Variants in TAOK3 observed in about 807,000 individuals in gnomAD.
TAOK3 encodes TAO kinase 3.
In TAOK3, 40 loss-of-function variants were observed where a neutral mutation model predicts 120.4. The ratio of observed to expected loss-of-function variants is 0.33; its 90% confidence interval spans 0.26 to 0.43. The LOEUF (loss-of-function observed/expected upper bound fraction) is 0.43. Ranked by LOEUF, TAOK3 falls within the 20% of genes least tolerant of loss-of-function variation. The probability of loss-of-function intolerance (pLI) is 1.00; values close to 1 mark genes in which losing one functional copy is unlikely to be tolerated. For missense variants in TAOK3, 821 were observed against 1,112.1 expected, an observed-to-expected ratio of 0.74 and a Z score of 3.72; for synonymous variants, 355 against 387.5, an observed-to-expected ratio of 0.92 and a Z score of 0.99.
Position 118,212,950 on chromosome 12 carries a change from T to C in TAOK3, c.783A>G (p.Ile261Met). 1 of 1,613,108 alleles carries C rather than the reference T, an allele frequency of 6.2e-7. No individual in the cohort carries two copies. Among genetic ancestry groups the C allele is most frequent in the Non-Finnish European group, 8.5e-7 (1 of 1,179,744 alleles). Residue 261 changes from isoleucine to methionine, a missense_variant, in exon 11 of 21, where the codon ATA (isoleucine) becomes ATG (methionine). Transcript: ENST00000392533. ...RRFVDYCLQK[I>M]PQERPTSAEL... ...CTGCTGATGTTGGCCTTTCCTGAGG[T>C]ATTTTCTGCAAGCAGTAATCAACAA...
intron 9 of TAOK3, among the ~76,000 whole-genome samples, chr12:118,230,516 G>C (rs1478401950): frequency 6.4e-5 from 8 of 124,288 alleles, no homozygotes; most frequent in Non-Finnish European, 1.3e-4. Context: ...CTGTCACCCA[G>C]GCTGGAGTGC....
chr12:118,251,447 T>C (rs975185079), intron 3 of TAOK3, among the ~76,000 whole-genome samples: 18 of 152,222 alleles, frequency 1.2e-4, no homozygotes, highest in African/African-American at 4.1e-4. Flanking sequence ...CATAGGCCTG[T>C]ACTTTTCACA....
At chr12:118,247,605 C>T (rs1364196499) in intron 3 of TAOK3, among the ~76,000 whole-genome samples, 7 of 152,100 alleles carry the variant, frequency 4.6e-5, no homozygotes, top group Non-Finnish European at 1.0e-4. Flanking sequence ...ACCTCTGCCT[C>T]CCAGGCTCAA....
At chr12:118,233,464 T>C (rs2039878021) in intron 9 of TAOK3, among the ~76,000 whole-genome samples, 1 of 151,464 alleles carries the variant, frequency 6.6e-6, no homozygotes, top group African/African-American at 2.4e-5. Flanking sequence ...AATAAGAACA[T>C]GAAAATGTAG....
intron 1 of TAOK3, among the ~76,000 whole-genome samples, chr12:118,326,164 A>G (rs547522464): frequency 4.0e-4 from 61 of 152,154 alleles, no homozygotes; most frequent in African/African-American, 1.4e-3. Flanking sequence ...TAAATCTTTA[A>G]TCCATCTTGA....
intron 4 of TAOK3, among the ~76,000 whole-genome samples, chr12:118,243,895 T>G (rs708863): frequency 0.47 from 72,050 of 151,942 alleles, 17,858 homozygotes; most frequent in Non-Finnish European, 0.54. Context: ...GCCAGGCTGG[T>G]CTCGAACTCC....
At chr12:118,369,527 T>C (rs1255853848) in intron 1 of TAOK3, among the ~76,000 whole-genome samples, 1 of 152,236 alleles carries the variant, frequency 6.6e-6, no homozygotes, top group Non-Finnish European at 1.5e-5. Context: ...AACAACCATT[T>C]GTACCAGTCA....
In TAOK3 at chr12:118,354,896, G is replaced by A. The variant is rs572189409; in HGVS notation, c.-194+17752C>T. On this transcript the variant is annotated intron_variant, in intron 1 of 20. Coordinates refer to ENST00000392533, the MANE Select transcript of TAOK3 (RefSeq NM_016281.4). ...AGCCTCAGATGTCTTTATTAGCAGC[G>A]TGAAAACAGACTAATACATCCTGTC... Among the ~76,000 whole-genome samples, 13 of 151,844 alleles carry A rather than the reference G, an allele frequency of 8.6e-5. No individual in the cohort carries two copies. The East Asian group carries it at 9.7e-4, about 11-fold the overall frequency.
At chr12:118,166,827 TACACACACACACACACACATACACAC>T (rs1489577262) in intron 17 of TAOK3, among the ~76,000 whole-genome samples, 14 of 146,622 alleles carry the variant, frequency 9.5e-5, no homozygotes, top group African/African-American at 2.5e-4. Flanking sequence ...TATATATATA[TACACACACACACACACACATACACAC>T]ACACACACAC....
At chr12:118,205,420 C>T (rs1408329494) in intron 11 of TAOK3, among the ~76,000 whole-genome samples, 1 of 151,388 alleles carries the variant, frequency 6.6e-6, no homozygotes, top group Non-Finnish European at 1.5e-5. Context: ...AAATTTGGGC[C>T]CTGAGAAGTT....
intron 1 of TAOK3, among the ~76,000 whole-genome samples, chr12:118,334,137 C>CAAAAAAAAAAAAAAA (rs57605394): frequency 1.2e-4 from 9 of 77,600 alleles, no homozygotes; most frequent in Non-Finnish European, 2.4e-4. Flanking sequence ...CTCCCATCTC[C>CAAAAAAAAAAAAAAA]AAAAAAAAAA....
At chr12:118,183,191 T>C (rs1168998459) in intron 14 of TAOK3, among the ~76,000 whole-genome samples, 2 of 152,204 alleles carry the variant, frequency 1.3e-5, no homozygotes, top group Non-Finnish European at 2.9e-5. Flanking sequence ...TTTTCTGTAC[T>C]ATTTTCAGTT....
intron 17 of TAOK3, 70 bp from the exon 18 acceptor site, chr12:118,162,097 G>A: frequency 6.3e-7 from 1 of 1,575,142 alleles, no homozygotes; most frequent in Non-Finnish European, 8.7e-7. Context: ...GCACAACTAA[G>A]TGAGGGAGGG....
intron 1 of TAOK3, among the ~76,000 whole-genome samples, chr12:118,345,623 A>T (rs1265576333): frequency 6.6e-6 from 1 of 152,014 alleles, no homozygotes; most frequent in East Asian, 1.9e-4. Context: ...AAAAAAACAG[A>T]CAGTTTTCAA....
chr12:118,223,062 C>CTTTTTTTTTTTT (rs75334511), intron 9 of TAOK3, among the ~76,000 whole-genome samples: 13 of 120,094 alleles, frequency 1.1e-4, no homozygotes, highest in African/African-American at 1.4e-4. Flanking sequence ...TTCTTTCTTT[C>CTTTTTTTTTTTT]TTTTTTTTTT....
intron 6 of TAOK3, 61 bp from the exon 7 acceptor site, chr12:118,238,230 T>A: frequency 1.9e-6 from 2 of 1,029,816 alleles, no homozygotes; most frequent in Non-Finnish European, 3.0e-6. Flanking sequence ...TTTTATTATT[T>A]TATACAGCTA....
At chr12:118,200,058 G>A (rs2037944044) in intron 12 of TAOK3, 1 of 151,994 alleles carries the variant, frequency 6.6e-6, no homozygotes, top group African/African-American at 2.4e-5. Flanking sequence ...TTAATAAACT[G>A]TTACTTAGCC....
At chr12:118,247,067 AT>A in intron 3 of TAOK3, 2 of 565,092 alleles carry the variant, frequency 3.5e-6, no homozygotes, top group Non-Finnish European at 6.0e-6. Flanking sequence ...GAGCAGTGCT[AT>A]CTGATAGAAC....
chr12:118,249,086 T>C (rs762959149), intron 3 of TAOK3, among the ~76,000 whole-genome samples: 33 of 152,328 alleles, frequency 2.2e-4, no homozygotes, highest in Middle Eastern at 3.4e-3. Context: ...TTTCAAGTTT[T>C]ATTCTTGAAA....
Sources: gnomAD v4.1 joint callset for allele counts (sites outside exome capture counted in the v4.1 genomes callset) on GRCh38, gnomAD v4.1.1 for gene constraint, MANE v1.5 for transcripts, NCBI Gene and HGNC (gene_info 2026-07-23, HGNC 2026-07-21) for gene names.